Variants in DEPTOR observed in about 807,000 individuals in gnomAD.
DEPTOR encodes the protein DEP domain-containing mTOR-interacting protein.
DEPTOR carries 41 observed loss-of-function variants against 41.6 expected under a neutral mutation model. The ratio of observed to expected loss-of-function variants is 0.98; its 90% CI spans 0.77 to 1.28. The LOEUF (loss-of-function observed/expected upper bound fraction) is 1.28. Among genes scored for constraint, DEPTOR ranks in the 50% most tolerant of loss-of-function variants. DEPTOR has a pLI of 0.00. For missense variants in DEPTOR, 514 were observed against 527.9 expected (o/e 0.97, Z 0.26); for synonymous variants, 195 against 192.3 (o/e 1.01, Z -0.12).
At chr8:119,879,383 G>A (rs868585692) in intron 1 of DEPTOR, among the ~76,000 whole-genome samples, 1 of 152,086 alleles carries the variant, frequency 6.6e-6, no homozygotes, top group African/African-American at 2.4e-5. Context: ...ATAAAAACTT[G>A]TACACAGATG....
At chr8:119,968,344 T>G (rs79572057) in intron 4 of DEPTOR, among the ~76,000 whole-genome samples, 216 of 151,612 alleles carry the variant, frequency 1.4e-3, no homozygotes, top group African/African-American at 4.0e-3. Context: ...ATTTTTTTTT[T>G]GGGACAGTTA....
intron 1 of DEPTOR, among the ~76,000 whole-genome samples, chr8:119,917,941 T>A (rs1394583666): frequency 1.3e-5 from 2 of 152,244 alleles, no homozygotes; most frequent in African/African-American, 2.4e-5. Context: ...TTTATGTGTA[T>A]ACATATCTAA....
intron 4 of DEPTOR, among the ~76,000 whole-genome samples, chr8:119,977,287 GC>G (rs1470532438): frequency 6.6e-6 from 1 of 152,068 alleles, no homozygotes; most frequent in African/African-American, 2.4e-5. Flanking sequence ...ACAGGCATGA[GC>G]CACTGCACAT....
At chr8:120,003,329 G>C (rs560662881) in intron 6 of DEPTOR, among the ~76,000 whole-genome samples, 20 of 152,342 alleles carry the variant, frequency 1.3e-4, no homozygotes, top group African/African-American at 4.6e-4. Flanking sequence ...CATTGACCCA[G>C]TAAGACCTCT....
At chr8:119,954,842 A>AT (rs1828397406) in intron 3 of DEPTOR, among the ~76,000 whole-genome samples, 10 of 113,234 alleles carry the variant, frequency 8.8e-5, no homozygotes, top group African/African-American at 3.5e-4. Flanking sequence ...GCAGGCAAAT[A>AT]TTGGTGTGTG....
chr8:119,912,815 C>T (rs950248711), intron 1 of DEPTOR, among the ~76,000 whole-genome samples: 19 of 152,236 alleles, frequency 1.2e-4, no homozygotes, highest in Non-Finnish European at 2.4e-4. Context: ...ATGTGCCCAA[C>T]ACAGTTGGTT....
At chr8:119,928,953 C>T (rs1423158228) in intron 2 of DEPTOR, among the ~76,000 whole-genome samples, 7 of 152,084 alleles carry the variant, frequency 4.6e-5, no homozygotes, top group Non-Finnish European at 7.4e-5. Context: ...TTAAGGAATG[C>T]ATCATATTGT....
intron 1 of DEPTOR, among the ~76,000 whole-genome samples, chr8:119,893,892 T>G (rs1742776041): frequency 6.6e-6 from 1 of 152,194 alleles, no homozygotes; most frequent in Non-Finnish European, 1.5e-5. Flanking sequence ...CAGAGAAAAC[T>G]TCTAGTGGCC....
chr8:119,964,887 A>G (rs1407921536), intron 3 of DEPTOR, among the ~76,000 whole-genome samples: 2 of 152,106 alleles, frequency 1.3e-5, no homozygotes, highest in Non-Finnish European at 2.9e-5. Flanking sequence ...CAGCCTGACC[A>G]ACATGGAGAA....
At chr8:119,953,819 T>C (rs1487087426) in intron 3 of DEPTOR, among the ~76,000 whole-genome samples, 5 of 112,242 alleles carry the variant, frequency 4.5e-5, no homozygotes, top group South Asian at 6.2e-4. Context: ...TTTTTTTTTT[T>C]CTTAAGACAG....
intron 8 of DEPTOR, among the ~76,000 whole-genome samples, chr8:120,021,702 G>T (rs1812718428): frequency 6.6e-6 from 1 of 152,058 alleles, no homozygotes; most frequent in Non-Finnish European, 1.5e-5. Flanking sequence ...CTAAGTCTAG[G>T]TTTCTCATTT....
At chr8:120,035,771 A>G (rs1356831690) in intron 8 of DEPTOR, among the ~76,000 whole-genome samples, 1 of 152,180 alleles carries the variant, frequency 6.6e-6, no homozygotes, top group East Asian at 1.9e-4. Context: ...ATCTCAGGTG[A>G]TCCACCTGCC....
At chr8:120,014,273 C>T (rs959392958) in intron 8 of DEPTOR, among the ~76,000 whole-genome samples, 1 of 152,102 alleles carries the variant, frequency 6.6e-6, no homozygotes, top group Non-Finnish European at 1.5e-5. Context: ...TTTCACTCAT[C>T]CTTGAAGAAT....
chr8:120,030,920 G>C (rs919556002), intron 8 of DEPTOR, among the ~76,000 whole-genome samples: 1 of 152,034 alleles, frequency 6.6e-6, no homozygotes, highest in African/African-American at 2.4e-5. Context: ...CTCAGGTAGG[G>C]GGTGTTGATA....
intron 8 of DEPTOR, among the ~76,000 whole-genome samples, chr8:120,010,617 CA>C (rs34215920): frequency 0.92 from 114,606 of 124,792 alleles, 52,357 homozygotes; most frequent in East Asian, 0.97. Flanking sequence ...GACTCTGTCT[CA>C]AAAAAAAAAA....
At chr8:120,022,494 C>G (rs1812735159) in intron 8 of DEPTOR, among the ~76,000 whole-genome samples, 1 of 151,962 alleles carries the variant, frequency 6.6e-6, no homozygotes, top group South Asian at 2.1e-4. Context: ...GTGTTGGATC[C>G]TTAAAGACAG....
chr8:119,924,909 G>A (rs543426219), intron 1 of DEPTOR, among the ~76,000 whole-genome samples: 3 of 152,066 alleles, frequency 2.0e-5, no homozygotes, highest in Admixed American at 2.0e-4. Flanking sequence ...CACTCAAGTA[G>A]GCCCCTGTAT....
chr8:119,900,898 A>G lies in DEPTOR; in HGVS notation c.122+26930A>G, dbSNP rs374827385. ...GGCTGAATGTTATTCTATTTTTGCA[A>G]CTCCCACAGCATCTTCACTCTTCTA... On this transcript the variant is annotated intron_variant, in intron 1 of 8. Coordinates refer to ENST00000286234, the MANE Select transcript of DEPTOR (RefSeq NM_022783.4). Among the ~76,000 whole-genome samples, 23 of 152,148 alleles carry G rather than the reference A, an allele frequency of 1.5e-4. No homozygotes were observed. In the East Asian group the frequency reaches 2.1e-3, roughly 14 times the overall value.
intron 8 of DEPTOR, among the ~76,000 whole-genome samples, chr8:120,023,445 A>G (rs1486186053): frequency 6.6e-6 from 1 of 151,988 alleles, no homozygotes; most frequent in Non-Finnish European, 1.5e-5. Context: ...CACCACGCCC[A>G]GCCTAATTAT....
Sources: allele counts gnomAD v4.1 joint callset (sites outside exome capture counted in the v4.1 genomes callset), GRCh38; gene constraint gnomAD v4.1.1; transcripts MANE v1.5; gene names NCBI Gene and HGNC (gene_info 2026-07-23, HGNC 2026-07-21).